The following TRIM2 variants were observed in gnomAD, a reference collection of about 807,000 sequenced individuals.
TRIM2 encodes tripartite motif containing 2.
A neutral mutation model predicts 75.2 loss-of-function variants in TRIM2; 20 were observed. That is an observed-to-expected ratio of 0.27 (90% CI 0.19 to 0.39). The LOEUF is 0.39. TRIM2 is among the 10% of genes least tolerant of loss of function. TRIM2 has a pLI of 1.00. For synonymous variants in TRIM2, 373 were observed against 388.3 expected, an observed-to-expected ratio of 0.96 and a Z score of 0.46; for missense variants, 660 against 990.8, an observed-to-expected ratio of 0.67 and a Z score of 4.48.
At position 153,226,100 on chromosome 4, in the gene TRIM2, G is replaced by A. The variant is rs776673104; in HGVS notation, c.30+21540G>A. Among the ~76,000 whole-genome samples, 10 of 152,092 alleles carry A rather than the reference G, an allele frequency of 6.6e-5. No individual in the cohort carries two copies. In the East Asian group the frequency reaches 7.7e-4, roughly 12 times the overall value. ...TGCCCAAGCTGTCCTTGAGCTCCTG[G>A]CCTCAAGCAATCCTCCTGCTTTGGC... is the stretch of plus-strand genomic sequence containing the variant. On this transcript the variant is annotated intron_variant, in intron 1 of 11. Coordinates refer to ENST00000338700, the MANE Select transcript of TRIM2 (RefSeq NM_015271.5).
intron 1 of TRIM2, among the ~76,000 whole-genome samples, chr4:153,244,271 C>T (rs10003881): frequency 0.18 from 1,789 of 9,790 alleles, 128 homozygotes; most frequent in African/African-American, 0.42. Flanking sequence ...CCTCCTCCTC[C>T]TCCTCCTCCT....
In TRIM2 at chr4:153,246,393, C is replaced by T. The variant is rs573840846; in HGVS notation, c.31-23942C>T. 1.9e-4 allele frequency among the ~76,000 whole-genome samples: 29 copies of T among 152,256 alleles called. 1 individual carries two copies. In the South Asian group the frequency reaches 6.0e-3, roughly 32 times the overall value. On this transcript the variant is annotated intron_variant, in intron 1 of 11. Transcript: ENST00000338700. The stretch of plus-strand genomic sequence containing the variant: ...TTCCAGAGCCTGGATTCTTATCCAC[C>T]ACAGAACACCAACATGCCTGTATTT...
chr4:153,337,648 T>A lies in TRIM2; in HGVS notation c.*2682T>A, dbSNP rs1579864867. The A allele has an allele frequency of 2.0e-6, 2 of 985,858 alleles. No individual in the cohort carries two copies. The highest frequency in any genetic ancestry group is 1.2e-4 in the Admixed American group (2 of 16,288). The allele number at this position is 985,858 out of a possible 1,614,324, so 61.1% of individuals were successfully genotyped here. A position where few individuals can be genotyped will look rare whatever the true frequency, so the allele number is the denominator to read the frequency against. On this transcript the variant is annotated 3_prime_UTR_variant, in exon 12 of 12. Coordinates refer to ENST00000338700, the MANE Select transcript of TRIM2 (RefSeq NM_015271.5). ...CTGATATGATACAAGTAGACAAAAT[T>A]TAAATGAAATTTTGTCACATTCTAT...
At chr4:153,308,164 C>T (rs1287254536) in intron 6 of TRIM2, 7 of 1,275,232 alleles carry the variant, frequency 5.5e-6, no homozygotes, top group South Asian at 4.7e-5. Flanking sequence ...TTCACCCCAG[C>T]GTCATAGAGA....
At chr4:153,226,994 G>C (rs939662072) in intron 1 of TRIM2, among the ~76,000 whole-genome samples, 1 of 152,186 alleles carries the variant, frequency 6.6e-6, no homozygotes, top group African/African-American at 2.4e-5. Context: ...AACAAGTCTT[G>C]AAGGAATTTT....
chr4:153,169,667 T>C (rs895376377), intron 1 of TRIM2, among the ~76,000 whole-genome samples: 2 of 152,218 alleles, frequency 1.3e-5, no homozygotes, highest in Admixed American at 1.3e-4. Context: ...AATTAAGCCA[T>C]AGAATTTGTA....
chr4:153,280,973 C>T (rs1015127213), intron 3 of TRIM2, among the ~76,000 whole-genome samples: 49 of 152,058 alleles, frequency 3.2e-4, no homozygotes, highest in Admixed American at 2.0e-3. Flanking sequence ...TGTGAGCCAC[C>T]GCGCCCAGCC....
rs746423847 is a variant in TRIM2, at chr4:153,335,507, G to A, written c.*541G>A. 5.8e-5 allele frequency: 57 copies of A among 985,260 alleles called. No homozygotes were observed. The highest frequency in any genetic ancestry group is 6.5e-5 in the Non-Finnish European group (54 of 829,924). 61.0% of individuals were successfully genotyped at this position (985,260 alleles called of 1,614,324 possible). On this transcript the variant is annotated 3_prime_UTR_variant, in exon 12 of 12. Transcript: ENST00000338700. ...ACTTTGGAAAAAGTAAGGCTGTCTT[G>A]CAAAATGATCCCAGCTCTGATTAGC...
intron 3 of TRIM2, among the ~76,000 whole-genome samples, chr4:153,280,341 A>T (rs1387142761): frequency 7.3e-5 from 11 of 150,816 alleles, no homozygotes; most frequent in Non-Finnish European, 1.3e-4. Flanking sequence ...TTAATTAATG[A>T]CATTGGCTGT....
intron 6 of TRIM2, among the ~76,000 whole-genome samples, chr4:153,298,053 A>G (rs1763106884): frequency 1.3e-5 from 2 of 152,084 alleles, no homozygotes; most frequent in African/African-American, 4.8e-5. Flanking sequence ...ATTGGTTTTG[A>G]TTCTCCAGAT....
At chr4:153,278,191 G>A (rs560649928) in intron 3 of TRIM2, among the ~76,000 whole-genome samples, 1 of 151,956 alleles carries the variant, frequency 6.6e-6, no homozygotes, top group Non-Finnish European at 1.5e-5. Context: ...CTGAAGCCTC[G>A]ACCTCCTGGC....
intron 6 of TRIM2, among the ~76,000 whole-genome samples, chr4:153,314,419 C>CAA (rs58410286): frequency 5.4e-3 from 318 of 58,480 alleles, no homozygotes; most frequent in East Asian, 0.016. Flanking sequence ...GACTCCGTCT[C>CAA]AAAAAAAAAA....
At chr4:153,185,387 T>C (rs1225104835) in intron 1 of TRIM2, among the ~76,000 whole-genome samples, 10 of 152,124 alleles carry the variant, frequency 6.6e-5, no homozygotes, top group Non-Finnish European at 1.2e-4. Flanking sequence ...GCATTGGCCT[T>C]TTTACACCAT....
intron 2 of TRIM2, among the ~76,000 whole-genome samples, chr4:153,271,133 A>G (rs1756576435): frequency 1.3e-5 from 2 of 152,334 alleles, no homozygotes; most frequent in South Asian, 4.1e-4. Flanking sequence ...TCAGTTATCA[A>G]AATATACTTT....
intron 1 of TRIM2, 94 bp from the exon 2 acceptor site, chr4:153,270,241 A>G: frequency 6.9e-7 from 1 of 1,445,544 alleles, no homozygotes; most frequent in Non-Finnish European, 9.3e-7. Flanking sequence ...TTCTACCTTT[A>G]CTTATAGCAC....
At chr4:153,255,739 A>G (rs1353696193) in intron 1 of TRIM2, among the ~76,000 whole-genome samples, 1 of 152,266 alleles carries the variant, frequency 6.6e-6, no homozygotes, top group Non-Finnish European at 1.5e-5. Context: ...AAAATGTGCT[A>G]AATTCACGCA....
At chr4:153,263,677 G>A (rs562392564) in intron 1 of TRIM2, among the ~76,000 whole-genome samples, 5 of 152,294 alleles carry the variant, frequency 3.3e-5, no homozygotes, top group African/African-American at 1.2e-4. Context: ...AGTTCCAGCT[G>A]CTATAACAAA....
At chr4:153,158,601 A>G (rs1729450781) in intron 1 of TRIM2, among the ~76,000 whole-genome samples, 1 of 152,204 alleles carries the variant, frequency 6.6e-6, no homozygotes, top group Non-Finnish European at 1.5e-5. Context: ...TAGAAGAAAG[A>G]TTTGCACAAT....
intron 1 of TRIM2, among the ~76,000 whole-genome samples, chr4:153,264,885 G>A (rs1754525334): frequency 6.6e-6 from 1 of 152,166 alleles, no homozygotes; most frequent in South Asian, 2.1e-4. Context: ...AAATCCAGAT[G>A]CCTTCAACAG....
Sources: gnomAD v4.1 joint callset for allele counts (sites outside exome capture counted in the v4.1 genomes callset) on GRCh38, gnomAD v4.1.1 for gene constraint, MANE v1.5 for transcripts, NCBI Gene and HGNC (gene_info 2026-07-23, HGNC 2026-07-21) for gene names.